Variants in ITIH2 observed in about 807,000 individuals in gnomAD.
ITIH2 encodes the protein inter-alpha-trypsin inhibitor heavy chain H2.
A neutral mutation model predicts 104.4 loss-of-function variants in ITIH2; 103 were observed. The ratio of observed to expected loss-of-function variants is 0.99; its 90% CI spans 0.84 to 1.16. The LOEUF is 1.16. Ranked by LOEUF, ITIH2 falls within the 50% of genes most tolerant of loss-of-function variation. The probability of loss-of-function intolerance (pLI) is 0.00; values close to 1 mark genes in which losing one functional copy is unlikely to be tolerated. For missense variants in ITIH2, 1,108 were observed against 1,162.4 expected (o/e 0.95, Z 0.68); for synonymous variants, 436 against 435.4 (o/e 1.00, Z -0.02).
Position 7,703,458 on chromosome 10 carries a change from C to T in ITIH2, c.24C>T (p.Phe8=). MKRLTCF[F]ICFFLSEVSG... The stretch of plus-strand genomic sequence containing the variant: ...AAATGAAAAGACTCACGTGCTTTTT[C>T]ATCTGCTTCTTTCTTTCTGAAGTAT... Residue 8 remains phenylalanine (F), a synonymous_variant, in exon 1 of 21, where the codon TTC becomes TTT. Coordinates refer to ENST00000358415, the MANE Select transcript of ITIH2 (RefSeq NM_002216.3). 6.2e-7 allele frequency: 1 copy of T among 1,613,952 alleles called. No individual in the cohort carries two copies. Among genetic ancestry groups the T allele is most frequent in the Non-Finnish European group, 8.5e-7 (1 of 1,179,834 alleles).
chr10:7,742,503 G>A (rs1038385620), intron 16 of ITIH2, among the ~76,000 whole-genome samples: 1 of 152,108 alleles, frequency 6.6e-6, no homozygotes, highest in African/African-American at 2.4e-5. Context: ...GACTTTGAGA[G>A]GCTGAGATGG....
chr10:7,713,773 T>A (rs1323299507), intron 5 of ITIH2, among the ~76,000 whole-genome samples: 1 of 152,140 alleles, frequency 6.6e-6, no homozygotes, highest in Non-Finnish European at 1.5e-5. Flanking sequence ...AGTGGTTTGA[T>A]CACGGCTCAC....
At chr10:7,708,455 A>G (rs925569891) in intron 3 of ITIH2, among the ~76,000 whole-genome samples, 17 of 152,192 alleles carry the variant, frequency 1.1e-4, no homozygotes, top group Non-Finnish European at 2.4e-4. Context: ...TACACCCGTC[A>G]CTGTTCTCCT....
intron 14 of ITIH2, 105 bp from the exon 15 acceptor site, chr10:7,734,817 C>G (rs1835037175): frequency 3.2e-6 from 3 of 946,146 alleles, no homozygotes; most frequent in Non-Finnish European, 4.7e-6. Context: ...CCGCCCCACC[C>G]CCAGGTTGGA....
In ITIH2 at chr10:7,738,606, G is replaced by T. The variant is rs754970112; in HGVS notation, c.1958-15G>T. 6.2e-7 allele frequency: 1 copy of T among 1,612,566 alleles called. No individual in the cohort carries two copies. Among genetic ancestry groups the T allele is most frequent in the Admixed American group, 1.7e-5 (1 of 59,936 alleles). ...GTAAATCTAGAAACTAACAGATGCA[G>T]GTTTGTCTACGCAGGGGCCCTGTAT... On this transcript the variant is annotated splice_polypyrimidine_tract_variant and intron_variant, in intron 15 of 20. Transcript: ENST00000358415.
At chr10:7,721,203 C>T (rs778834059) in intron 7 of ITIH2, among the ~76,000 whole-genome samples, 5 of 152,170 alleles carry the variant, frequency 3.3e-5, no homozygotes, top group Non-Finnish European at 5.9e-5. Context: ...CCGTCAGTCA[C>T]CTGCTTAACC....
At chr10:7,703,572 T>C in intron 1 of ITIH2, 54 bp downstream of exon 1, 2 of 1,107,804 alleles carry the variant, frequency 1.8e-6, no homozygotes, top group Middle Eastern at 2.2e-4. Flanking sequence ...GCTCAGTAAA[T>C]CATCTATTGG....
intron 5 of ITIH2, among the ~76,000 whole-genome samples, chr10:7,716,969 CAG>C (rs1417136507): frequency 7.1e-6 from 1 of 141,622 alleles, no homozygotes; most frequent in African/African-American, 2.7e-5. Context: ...TTTTTTGAGA[CAG>C]AGTTTCATTC....
rs1835010680 is a variant in ITIH2 at position 7,732,279 on chromosome 10, A to G, written c.1648-59A>G. 3 of 1,552,978 alleles carry G rather than the reference A, an allele frequency of 1.9e-6. No individual in the cohort carries two copies. In the Admixed American group the frequency reaches 5.2e-5, roughly 27 times the overall value. The stretch of plus-strand genomic sequence containing the variant: ...ATTCGCAGCAGGTACTAAAAATGTG[A>G]ATCAATGAACTATAATTCTGTTACC... On this transcript the variant is annotated intron_variant, in intron 13 of 20. Transcript: ENST00000358415.
At chr10:7,703,651 G>A in intron 1 of ITIH2, 133 bp downstream of exon 1, 1 of 632,864 alleles carries the variant, frequency 1.6e-6, no homozygotes, top group Non-Finnish European at 2.8e-6. Context: ...GAGTGCAAGT[G>A]TTTACTGTTA....
At chr10:7,748,803 C>A (rs925069904) in intron 20 of ITIH2, among the ~76,000 whole-genome samples, 1 of 151,960 alleles carries the variant, frequency 6.6e-6, no homozygotes, top group African/African-American at 2.4e-5. Flanking sequence ...ACCTCAGCCT[C>A]CCAAAGCGCT....
intron 5 of ITIH2, among the ~76,000 whole-genome samples, chr10:7,716,420 C>T (rs1834850106): frequency 6.6e-6 from 1 of 152,084 alleles, no homozygotes; most frequent in African/African-American, 2.4e-5. Context: ...ATGTATGTGA[C>T]TAAAATAAGG....
chr10:7,729,870 C>T, intron 11 of ITIH2, 82 bp from the exon 12 acceptor site: 1 of 935,466 alleles, frequency 1.1e-6, no homozygotes, highest in Non-Finnish European at 1.6e-6. Context: ...ACACACTTTA[C>T]TAAACTGCCC....
chr10:7,707,301 G>A, intron 3 of ITIH2, 68 bp downstream of exon 3: 3 of 1,171,408 alleles, frequency 2.6e-6, no homozygotes, highest in Admixed American at 3.5e-5. Context: ...AAATCAATCT[G>A]GGTGTCTCTT....
In ITIH2 at chr10:7,709,172, T is replaced by C. The variant is rs780469310; in HGVS notation, c.343T>C (p.Phe115Leu). 1 of 1,614,138 alleles carries C rather than the reference T, an allele frequency of 6.2e-7. No homozygotes were observed. The highest frequency in any genetic ancestry group is 1.1e-5 in the South Asian group (1 of 91,080). ...VFDVQIPKGA[F>L]ISNFSMTVDG... ...TGATGTTCAGATCCCCAAAGGAGCA[T>C]TCATTTCCAACTTCTCCATGTGAGT... is the stretch of plus-strand genomic sequence containing the variant. Residue 115 changes from phenylalanine (F) to leucine (L), a missense_variant, in exon 4 of 21, where the codon TTC (phenylalanine) becomes CTC (leucine). Coordinates refer to ENST00000358415, the MANE Select transcript of ITIH2 (RefSeq NM_002216.3).
chr10:7,735,925 G>A (rs1280451735), intron 15 of ITIH2, among the ~76,000 whole-genome samples: 1 of 151,968 alleles, frequency 6.6e-6, no homozygotes, highest in African/African-American at 2.4e-5. Context: ...CACTTGCCTT[G>A]GCCTCCCAAA....
rs1834734451 is a variant in ITIH2 at position 7,705,127 on chromosome 10, T to C, written c.104T>C (p.Leu35Pro). ...TTTAAGTTTGTAGACTATGAAGATC[T>C]TGTGGAACTGGCCCCAGGCAAATTT... Reference protein sequence around the residue: ...GLSEFVDYEDLVELAPGKFQL... With the variant: ...GLSEFVDYEDPVELAPGKFQL... Residue 35 changes from leucine to proline, a missense_variant, in exon 2 of 21, where the codon CTT (leucine) becomes CCT (proline). Transcript: ENST00000358415. The C allele has an allele frequency of 6.2e-7, 1 of 1,611,874 alleles. No individual in the cohort carries two copies. Among genetic ancestry groups the C allele is most frequent in the African/African-American group, 1.3e-5 (1 of 74,808 alleles).
chr10:7,708,914 C>T (rs1275725411), intron 3 of ITIH2, 108 bp from the exon 4 acceptor site: 9 of 924,988 alleles, frequency 9.7e-6, no homozygotes, highest in Non-Finnish European at 1.5e-5. Flanking sequence ...AATTGTTCTG[C>T]TAGTAAAACA....
At position 7,719,760 on chromosome 10, in the gene ITIH2, CAAA is replaced by C. The variant is rs71385664; in HGVS notation, c.631-1075_631-1073del. ...TGGATGGCAAAATGAGACCCTGTCTCAAAAAAAAAAAAAAAAAAAAAAAGAAAG... is the reference window on the plus strand; with the variant it reads ...TGGATGGCAAAATGAGACCCTGTCTCAAAAAAAAAAAAAAAAAAAAGAAAG... On this transcript the variant is annotated intron_variant, in intron 6 of 20. Transcript: ENST00000358415. Among the ~76,000 whole-genome samples, 12 of 41,712 alleles carry C rather than the reference CAAA, an allele frequency of 2.9e-4. No homozygotes were observed. In the East Asian group the frequency reaches 4.6e-3, roughly 16 times the overall value. 27.4% of individuals were successfully genotyped at this position (41,712 alleles called of 152,430 possible). A position where few individuals can be genotyped will look rare whatever the true frequency, so the allele number is the denominator to read the frequency against.
Sources: gnomAD v4.1 joint callset for allele counts (sites outside exome capture counted in the v4.1 genomes callset) on GRCh38, gnomAD v4.1.1 for gene constraint, MANE v1.5 for transcripts, NCBI Gene and HGNC (gene_info 2026-07-23, HGNC 2026-07-21) for gene names.